ANTXR1: variants seen among roughly 807,000 people sequenced by gnomAD.
ANTXR1 encodes anthrax toxin receptor 1.
A neutral mutation model predicts 78.1 loss-of-function variants in ANTXR1; 19 were observed. The ratio of observed to expected loss-of-function variants is 0.24; its 90% CI spans 0.17 to 0.36. ANTXR1 has a LOEUF of 0.36. ANTXR1 is among the 10% of genes least tolerant of loss of function. The probability of loss-of-function intolerance (pLI) is 1.00; values close to 1 mark genes in which losing one functional copy is unlikely to be tolerated. For synonymous variants in ANTXR1, 273 were observed against 260.5 expected, an observed-to-expected ratio of 1.05 and a Z score of -0.46; for missense variants, 518 against 718.6, an observed-to-expected ratio of 0.72 and a Z score of 3.19.
chr2:69,031,977 C>T (rs751717398), intron 1 of ANTXR1, among the ~76,000 whole-genome samples: 26 of 152,138 alleles, frequency 1.7e-4, no homozygotes, highest in Admixed American at 3.9e-4. Flanking sequence ...AAGCACAGTA[C>T]AAAGTTCAAA....
chr2:69,213,035 GGCCTCAAGCAACCCTCCT>G (rs1675085504), intron 17 of ANTXR1, among the ~76,000 whole-genome samples: 2 of 141,664 alleles, frequency 1.4e-5, no homozygotes, highest in African/African-American at 2.7e-5. Flanking sequence ...TCAAACTCCT[GGCCTCAAGCAACCCTCCT>G]GCCTCAGCTT....
intron 8 of ANTXR1, among the ~76,000 whole-genome samples, chr2:69,086,133 G>A (rs916189729): frequency 6.6e-6 from 1 of 152,180 alleles, no homozygotes; most frequent in African/African-American, 2.4e-5. Context: ...ACAGGAAATG[G>A]CCAAGTAAAT....
chr2:69,167,964 G>T (rs573955132), intron 13 of ANTXR1, among the ~76,000 whole-genome samples: 9 of 152,138 alleles, frequency 5.9e-5, no homozygotes, highest in Non-Finnish European at 7.3e-5. Context: ...AATAGCAACC[G>T]CATTGATGGG....
intron 1 of ANTXR1, among the ~76,000 whole-genome samples, chr2:69,037,452 A>G (rs1669474481): frequency 6.6e-6 from 1 of 152,104 alleles, no homozygotes; most frequent in African/African-American, 2.4e-5. Context: ...CAACACGGAG[A>G]GACCAACCTG....
chr2:69,077,624 T>G, intron 8 of ANTXR1, 136 bp downstream of exon 8: 1 of 925,642 alleles, frequency 1.1e-6, no homozygotes, highest in Non-Finnish European at 1.7e-6. Flanking sequence ...TATATCTTTG[T>G]GTCTGCCACG....
At chr2:69,056,978 C>G (rs576671364) in intron 3 of ANTXR1, among the ~76,000 whole-genome samples, 1 of 152,136 alleles carries the variant, frequency 6.6e-6, no homozygotes, top group East Asian at 1.9e-4. Context: ...CACAACCAGC[C>G]GAAACTTTAT....
At chr2:69,189,808 C>T (rs1272411648) in intron 16 of ANTXR1, among the ~76,000 whole-genome samples, 1 of 152,180 alleles carries the variant, frequency 6.6e-6, no homozygotes, top group Admixed American at 6.5e-5. Flanking sequence ...TGAATCAAGG[C>T]AGGGTGTGCA....
At chr2:69,241,742 C>T (rs933604995) in intron 17 of ANTXR1, among the ~76,000 whole-genome samples, 6 of 152,172 alleles carry the variant, frequency 3.9e-5, no homozygotes, top group Non-Finnish European at 8.8e-5. Flanking sequence ...AGTTGGAACA[C>T]CTGATACCAC....
At chr2:69,189,850 G>C (rs1674508459) in intron 16 of ANTXR1, among the ~76,000 whole-genome samples, 2 of 152,290 alleles carry the variant, frequency 1.3e-5, no homozygotes, top group African/African-American at 4.8e-5. Context: ...AGAAGAGTTA[G>C]TTCAGTTTAT....
Position 69,112,244 on chromosome 2 carries a change from C to G in ANTXR1, c.802+9304C>G, listed in dbSNP as rs114724555. 1.5e-3 allele frequency among the ~76,000 whole-genome samples: 228 copies of G among 152,272 alleles called. 1 individual carries two copies. Among genetic ancestry groups the G allele is most frequent in the African/African-American group, 5.2e-3 (218 of 41,542 alleles). ...CTCCTGTATTATCTCATTTCATCAT[C>G]ACCGCAGCCCAAAGAGGGAGGAGTT... On this transcript the variant is annotated intron_variant, in intron 10 of 17. Transcript: ENST00000303714.
intron 14 of ANTXR1, chr2:69,172,261 G>A (rs1674007174): frequency 1.1e-6 from 1 of 872,734 alleles, no homozygotes; most frequent in Non-Finnish European, 1.9e-6. Context: ...TTTAAACATT[G>A]TACTTTTTAG....
chr2:69,074,341 AAC>A (rs1670663405), intron 6 of ANTXR1, among the ~76,000 whole-genome samples: 1 of 152,204 alleles, frequency 6.6e-6, no homozygotes, highest in Non-Finnish European at 1.5e-5. Context: ...GGTGCCAAAT[AAC>A]AGTCAAATAA....
intron 3 of ANTXR1, among the ~76,000 whole-genome samples, chr2:69,045,123 TG>T (rs978810953): frequency 1.3e-5 from 2 of 152,162 alleles, no homozygotes; most frequent in African/African-American, 4.8e-5. Context: ...ACCATATTAT[TG>T]GGGGACTATA....
chr2:69,124,739 GT>G, intron 12 of ANTXR1, 96 bp downstream of exon 12: 1 of 1,380,756 alleles, frequency 7.2e-7, no homozygotes, highest in Non-Finnish European at 1.0e-6. Context: ...ACCCTGGAAA[GT>G]TTTTTGGTTC....
intron 3 of ANTXR1, among the ~76,000 whole-genome samples, chr2:69,069,831 A>G (rs1160963459): frequency 6.6e-6 from 1 of 152,148 alleles, no homozygotes; most frequent in Non-Finnish European, 1.5e-5. Flanking sequence ...ACCCTGTACC[A>G]CTAAAAAGAC....
At chr2:69,193,840 G>A (rs982828039) in intron 17 of ANTXR1, among the ~76,000 whole-genome samples, 2 of 152,204 alleles carry the variant, frequency 1.3e-5, no homozygotes, top group African/African-American at 4.8e-5. Context: ...TACCAGCACT[G>A]CAAGGATGGG....
intron 17 of ANTXR1, among the ~76,000 whole-genome samples, chr2:69,242,282 C>A (rs986525523): frequency 6.6e-6 from 1 of 152,220 alleles, no homozygotes; most frequent in South Asian, 2.1e-4. Context: ...CACTCCCCCA[C>A]AGCCCCCACT....
chr2:69,021,004 G>A (rs1247788797), intron 1 of ANTXR1, among the ~76,000 whole-genome samples: 1 of 152,192 alleles, frequency 6.6e-6, no homozygotes, highest in Non-Finnish European at 1.5e-5. Flanking sequence ...AAAAGTTAGA[G>A]GACTCTAGGC....
intron 3 of ANTXR1, among the ~76,000 whole-genome samples, chr2:69,066,511 A>G (rs1462010732): frequency 6.6e-6 from 1 of 151,950 alleles, no homozygotes; most frequent in Non-Finnish European, 1.5e-5. Flanking sequence ...TAATGTTTTC[A>G]TCAGCAATGT....
Sources: gnomAD v4.1 joint callset for allele counts (sites outside exome capture counted in the v4.1 genomes callset) on GRCh38, gnomAD v4.1.1 for gene constraint, MANE v1.5 for transcripts, NCBI Gene and HGNC (gene_info 2026-07-23, HGNC 2026-07-21) for gene names.